The following PBX2 variants were observed in gnomAD, a reference collection of about 807,000 sequenced individuals.
PBX2 encodes the protein PBX homeobox 2, also known as pre-B-cell leukemia transcription factor 2.
A neutral mutation model predicts 46.5 loss-of-function variants in PBX2; 10 were observed. That is an observed-to-expected ratio of 0.21 (90% CI 0.13 to 0.36). The LOEUF (loss-of-function observed/expected upper bound fraction) is 0.36. Ranked by LOEUF, PBX2 falls within the 10% of genes least tolerant of loss-of-function variation. PBX2 has a pLI of 1.00. For missense variants in PBX2, 392 were observed against 580.5 expected, an observed-to-expected ratio of 0.68 and a Z score of 3.34; for synonymous variants, 160 against 222.5, an observed-to-expected ratio of 0.72 and a Z score of 2.50.
At position 32,186,290 on chromosome 6, in the gene PBX2, T is replaced by G; in HGVS notation, c.*92A>C. The stretch of plus-strand genomic sequence containing the variant: ...CCATTGGCCCTTCTCTGTCTTGTGC[T>G]TCTCCTGTATTGGGGTTTGTCCTCT... On this transcript the variant is annotated 3_prime_UTR_variant, in exon 9 of 9. Transcript: ENST00000375050. The surrounding 1 kb of genome is among the most constrained non-coding windows in gnomAD (Gnocchi z 4.2). 2.4e-6 allele frequency: 2 copies of G among 826,432 alleles called. No individual in the cohort carries two copies. Among genetic ancestry groups the G allele is most frequent in the Non-Finnish European group, 4.1e-6 (2 of 492,614 alleles). The allele number at this position is 826,432 out of a possible 1,614,324, so 51.2% of individuals were successfully genotyped here. A position where few individuals can be genotyped will look rare whatever the true frequency, so the allele number is the denominator to read the frequency against.
chr6:32,187,357 C>T lies in PBX2; in HGVS notation c.909G>A (p.Lys303=). 6.2e-7 allele frequency: 1 copy of T among 1,613,064 alleles called. No homozygotes were observed. Among genetic ancestry groups the T allele is most frequent in the Non-Finnish European group, 8.5e-7 (1 of 1,180,032 alleles). Residue 303 remains lysine, a synonymous_variant, in exon 6 of 9, where the codon AAG becomes AAA. Transcript: ENST00000375050. The surrounding 1 kb of genome is among the most constrained non-coding windows in gnomAD (Gnocchi z 7.7). ...CCTCTTGGAACTTTCCGATGTTTTT[C>T]TTATAGCGAATCCTCTTGTTGCCAA... ...NWFGNKRIRY[K]KNIGKFQEEA...
chr6:32,189,314 G>A lies in PBX2; in HGVS notation c.221+381C>T, dbSNP rs186738413. On this transcript the variant is annotated intron_variant, in intron 1 of 8. Coordinates refer to ENST00000375050, the MANE Select transcript of PBX2 (RefSeq NM_002586.5). The surrounding 1 kb of genome is among the most constrained non-coding windows in gnomAD (Gnocchi z 4.7). ...CTTTAGGGGCTCTGGAGAGGGTGTG[G>A]AGGTCTCCACATCTGGAGAGAATGA... Among the ~76,000 whole-genome samples, 285 of 152,142 alleles carry A rather than the reference G, an allele frequency of 1.9e-3. No homozygotes were observed. Among genetic ancestry groups the A allele is most frequent in the African/African-American group, 6.7e-3 (278 of 41,490 alleles).
Position 32,188,006 on chromosome 6 carries a change from C to T in PBX2, c.694G>A (p.Glu232Lys). ...CGGGAGCGCAGGATCATCACAGCCT[C>T]GCAGGTGCTCTGCTTCAGCTGCATC... ...IQMQLKQSTC[E>K]AVMILRSRFL... The change falls in exon 4 of 9, where the codon GAG (glutamate) becomes AAG (lysine). Residue 232 changes from glutamate to lysine, a missense_variant. Transcript: ENST00000375050. This position sits in a 1 kb window ranked among gnomAD's most constrained non-coding sequence, Gnocchi z 6.5. The T allele has an allele frequency of 4.4e-6, 7 of 1,581,884 alleles. No homozygotes were observed. Among genetic ancestry groups the T allele is most frequent in the Middle Eastern group, 1.9e-4 (1 of 5,312 alleles).
At position 32,186,351 on chromosome 6, in the gene PBX2, GCCCCCAC is replaced by G. The variant is rs1787140741; in HGVS notation, c.*24_*30del. 1 of 1,485,900 alleles carries G rather than the reference GCCCCCAC, an allele frequency of 6.7e-7. No homozygotes were observed. The highest frequency in any genetic ancestry group is 1.4e-5 in the African/African-American group (1 of 72,402). The allele number at this position is 1,485,900 out of a possible 1,614,324, so 92.0% of individuals were successfully genotyped here. A position where few individuals can be genotyped will look rare whatever the true frequency, so the allele number is the denominator to read the frequency against. On this transcript the variant is annotated 3_prime_UTR_variant, in exon 9 of 9. Transcript: ENST00000375050. The surrounding 1 kb of genome is among the most constrained non-coding windows in gnomAD (Gnocchi z 4.2). ...GTCCTCTTCAAGTCGCCTTGTGAGA[GCCCCCAC>G]CCCTGTGACCCTGAGGGGCAAGATC... is the stretch of plus-strand genomic sequence containing the variant.
rs1787215315 is a variant in PBX2, at chr6:32,187,927, G to A, written c.734+39C>T. 1.3e-6 allele frequency: 2 copies of A among 1,519,828 alleles called. No individual in the cohort carries two copies. The highest frequency in any genetic ancestry group is 1.8e-6 in the Non-Finnish European group (2 of 1,128,808). 94.1% of individuals were successfully genotyped at this position (1,519,828 alleles called of 1,614,324 possible). On this transcript the variant is annotated intron_variant, in intron 4 of 8. Transcript: ENST00000375050. This position sits in a 1 kb window ranked among gnomAD's most constrained non-coding sequence, Gnocchi z 7.7. ...GGGTCTTGGAGAGGAATGGGAAGGA[G>A]CCCAGTGCTGGGGGCCAGCCTGGGG... is the stretch of plus-strand genomic sequence containing the variant.
In PBX2 at chr6:32,188,692, G is replaced by A. The variant is rs1212672097; in HGVS notation, c.295+31C>T. The A allele has an allele frequency of 1.9e-6, 3 of 1,608,532 alleles. No homozygotes were observed. Among genetic ancestry groups the A allele is most frequent in the Non-Finnish European group, 2.6e-6 (3 of 1,176,138 alleles). The stretch of plus-strand genomic sequence containing the variant: ...TATAATGAACAGGGTTCTGTTCCCA[G>A]AGTTGAGCAATCCGGGGGGGGCCCA... On this transcript the variant is annotated intron_variant, in intron 2 of 8. Coordinates refer to ENST00000375050, the MANE Select transcript of PBX2 (RefSeq NM_002586.5). This position sits in a 1 kb window ranked among gnomAD's most constrained non-coding sequence, Gnocchi z 6.5.
rs186524891 is a variant in PBX2 at position 32,189,621 on chromosome 6, G to C, written c.221+74C>G. ...TGGAGAGGGCCCTGGAGTTGGGGGG[G>C]GCTCCCAGAAGATTCAGAACATGTG... On this transcript the variant is annotated intron_variant, in intron 1 of 8. Coordinates refer to ENST00000375050, the MANE Select transcript of PBX2 (RefSeq NM_002586.5). This position sits in a 1 kb window ranked among gnomAD's most constrained non-coding sequence, Gnocchi z 4.7. 1.8e-6 allele frequency: 2 copies of C among 1,133,698 alleles called. No homozygotes were observed. Among genetic ancestry groups the C allele is most frequent in the Non-Finnish European group, 1.3e-6 (1 of 767,168 alleles). 70.2% of individuals were successfully genotyped at this position (1,133,698 alleles called of 1,614,324 possible). A position where few individuals can be genotyped will look rare whatever the true frequency, so the allele number is the denominator to read the frequency against.
chr6:32,188,808 TG>T lies in PBX2; in HGVS notation c.222-13del. 1 of 1,605,548 alleles carries T rather than the reference TG, an allele frequency of 6.2e-7. No homozygotes were observed. Among genetic ancestry groups the T allele is most frequent in the Non-Finnish European group, 8.5e-7 (1 of 1,177,210 alleles). On this transcript the variant is annotated splice_polypyrimidine_tract_variant and intron_variant, in intron 1 of 8. Coordinates refer to ENST00000375050, the MANE Select transcript of PBX2 (RefSeq NM_002586.5). The surrounding 1 kb of genome is among the most constrained non-coding windows in gnomAD (Gnocchi z 6.5). ...TTAGGGCGTGTTTCCTTGGGAGGAG[TG>T]GGAGTGGGGAAAGAGAAAAGTTGAG...
chr6:32,187,549 C>CAAGTGATCCTCCAAATCAAG lies in PBX2; in HGVS notation c.870+97_870+98insCTTGATTTGGAGGATCACTT. 1 of 1,519,828 alleles carries CAAGTGATCCTCCAAATCAAG rather than the reference C, an allele frequency of 6.6e-7. No individual in the cohort carries two copies. The highest frequency in any genetic ancestry group is 1.2e-5 in the South Asian group (1 of 80,436). 94.1% of individuals were successfully genotyped at this position (1,519,828 alleles called of 1,614,324 possible). On this transcript the variant is annotated intron_variant, in intron 5 of 8. Coordinates refer to ENST00000375050, the MANE Select transcript of PBX2 (RefSeq NM_002586.5). This position sits in a 1 kb window ranked among gnomAD's most constrained non-coding sequence, Gnocchi z 7.7. ...TCCAATTCAAGTGATCCTCCCACTTCAGCCTCCCTAGTAGCTGGGATTACA... is the reference window on the plus strand; with the variant it reads ...TCCAATTCAAGTGATCCTCCCACTTCAAGTGATCCTCCAAATCAAGAGCCTCCCTAGTAGCTGGGATTACA...
At position 32,189,756 on chromosome 6, in the gene PBX2, C is replaced by G. The variant is rs751464677; in HGVS notation, c.160G>C (p.Gly54Arg). The G allele has an allele frequency of 2.7e-5, 44 of 1,607,154 alleles. No homozygotes were observed. The highest frequency in any genetic ancestry group is 3.5e-5 in the Non-Finnish European group (41 of 1,177,200). The part of the protein sequence containing the change: ...VPGGRGKQDI[G>R]DILQQIMTIT... Reference sequence around the variant, plus strand: ...GTCATTATCTGCTGCAGAATGTCCCCGATGTCTTGCTTCCCTCGGCCTCCC... The same window carrying G: ...GTCATTATCTGCTGCAGAATGTCCCGGATGTCTTGCTTCCCTCGGCCTCCC... Residue 54 changes from glycine (G) to arginine (R), a missense_variant, in exon 1 of 9, where the codon GGG (glycine) becomes CGG (arginine). This residue lies in a region of PBX2 where 196 missense variants were observed against 246.9 expected (regional missense o/e 0.79). Transcript: ENST00000375050. The surrounding 1 kb of genome is among the most constrained non-coding windows in gnomAD (Gnocchi z 4.7).
Position 32,186,038 on chromosome 6 carries a change from T to G in PBX2, c.*344A>C. On this transcript the variant is annotated 3_prime_UTR_variant, in exon 9 of 9. Coordinates refer to ENST00000375050, the MANE Select transcript of PBX2 (RefSeq NM_002586.5). The surrounding 1 kb of genome is among the most constrained non-coding windows in gnomAD (Gnocchi z 4.2). ...AACAGAATAGTTGCAAGTGGGAGTA[T>G]GTGTGTGTGAGGTGTGGGAGAGGGA... 3 of 284,726 alleles carry G rather than the reference T, an allele frequency of 1.1e-5. No homozygotes were observed. The highest frequency in any genetic ancestry group is 2.0e-5 in the Non-Finnish European group (3 of 150,226). The allele number at this position is 284,726 out of a possible 1,614,324, so 17.6% of individuals were successfully genotyped here. A position where few individuals can be genotyped will look rare whatever the true frequency, so the allele number is the denominator to read the frequency against.
chr6:32,189,226 C>T lies in PBX2; in HGVS notation c.222-430G>A. 3.5e-6 allele frequency: 1 copy of T among 282,976 alleles called. No individual in the cohort carries two copies. The highest frequency in any genetic ancestry group is 6.7e-6 in the Non-Finnish European group (1 of 148,456). The allele number at this position is 282,976 out of a possible 1,614,324, so 17.5% of individuals were successfully genotyped here. ...ATCAGTGTAGGGTGTGTGAAGGGGT[C>T]CTGGGGCTGAGCAGGTGGGAGGCTT... is the stretch of plus-strand genomic sequence containing the variant. On this transcript the variant is annotated intron_variant, in intron 1 of 8. Coordinates refer to ENST00000375050, the MANE Select transcript of PBX2 (RefSeq NM_002586.5). This position sits in a 1 kb window ranked among gnomAD's most constrained non-coding sequence, Gnocchi z 4.7.
Position 32,190,126 on chromosome 6 carries a change from C to T in PBX2, c.-211G>A. 2.5e-6 allele frequency: 1 copy of T among 404,672 alleles called. No homozygotes were observed. The highest frequency in any genetic ancestry group is 6.8e-5 in the South Asian group (1 of 14,690). 25.1% of individuals were successfully genotyped at this position (404,672 alleles called of 1,614,324 possible). A position where few individuals can be genotyped will look rare whatever the true frequency, so the allele number is the denominator to read the frequency against. On this transcript the variant is annotated 5_prime_UTR_variant, in exon 1 of 9. Transcript: ENST00000375050. The stretch of plus-strand genomic sequence containing the variant: ...CCCCACAGGAGACCCCGGCCCCCGG[C>T]GGCGGAGAAAATGGAGCCGGAGAGA...
chr6:32,188,762 C>T lies in PBX2; in HGVS notation c.256G>A (p.Ala86Thr). Reference sequence around the variant, plus strand: ...ATTTCACACAGGACGCTAAAGAGAGCAGGCTTCATTCGGTGGCAGTTTAGG... The same window carrying T: ...ATTTCACACAGGACGCTAAAGAGAGTAGGCTTCATTCGGTGGCAGTTTAGG... The part of the protein sequence containing the change: ...HALNCHRMKP[A>T]LFSVLCEIKE... The change falls in exon 2 of 9, where the codon GCT becomes ACT. Residue 86 changes from alanine to threonine, a missense_variant. Coordinates refer to ENST00000375050, the MANE Select transcript of PBX2 (RefSeq NM_002586.5). The surrounding 1 kb of genome is among the most constrained non-coding windows in gnomAD (Gnocchi z 6.5). 1 of 1,612,998 alleles carries T rather than the reference C, an allele frequency of 6.2e-7. No individual in the cohort carries two copies. Among genetic ancestry groups the T allele is most frequent in the Non-Finnish European group, 8.5e-7 (1 of 1,180,028 alleles).
Position 32,187,533 on chromosome 6 carries a change from A to G in PBX2, c.870+114T>C. On this transcript the variant is annotated intron_variant, in intron 5 of 8. Transcript: ENST00000375050. This position sits in a 1 kb window ranked among gnomAD's most constrained non-coding sequence, Gnocchi z 7.7. Reference sequence around the variant, plus strand: ...GTTGCCCAGGCTGGTCTCCAATTCAAGTGATCCTCCCACTTCAGCCTCCCT... The same window carrying G: ...GTTGCCCAGGCTGGTCTCCAATTCAGGTGATCCTCCCACTTCAGCCTCCCT... 3.3e-6 allele frequency: 5 copies of G among 1,508,488 alleles called. No homozygotes were observed. Among genetic ancestry groups the G allele is most frequent in the Non-Finnish European group, 2.7e-6 (3 of 1,113,812 alleles). The allele number at this position is 1,508,488 out of a possible 1,614,324, so 93.4% of individuals were successfully genotyped here.
chr6:32,188,213 T>G lies in PBX2; in HGVS notation c.543+44A>C. ...GAGCCCTTTGACCATGGGATTCCCC[T>G]GCAAGAGCCCTTCCCTCCACCCACC... On this transcript the variant is annotated intron_variant, in intron 3 of 8. Transcript: ENST00000375050. The surrounding 1 kb of genome is among the most constrained non-coding windows in gnomAD (Gnocchi z 6.5). The G allele has an allele frequency of 6.2e-7, 1 of 1,605,758 alleles. No homozygotes were observed. Among genetic ancestry groups the G allele is most frequent in the Non-Finnish European group, 8.5e-7 (1 of 1,174,474 alleles).
Position 32,187,631 on chromosome 6 carries a change from G to A in PBX2, c.870+16C>T, listed in dbSNP as rs757178759. The A allele has an allele frequency of 9.5e-6, 15 of 1,581,112 alleles. No homozygotes were observed. The highest frequency in any genetic ancestry group is 2.3e-5 in the East Asian group (1 of 43,732). On this transcript the variant is annotated intron_variant, in intron 5 of 8. Coordinates refer to ENST00000375050, the MANE Select transcript of PBX2 (RefSeq NM_002586.5). This position sits in a 1 kb window ranked among gnomAD's most constrained non-coding sequence, Gnocchi z 7.7. ...TGCACTTTGCCTGACAACTCCTCCCGCAACCTCCATAATACCTGAGACACG... is the reference window on the plus strand; with the variant it reads ...TGCACTTTGCCTGACAACTCCTCCCACAACCTCCATAATACCTGAGACACG...
Position 32,188,313 on chromosome 6 carries a change from T to C in PBX2, c.487A>G (p.Ser163Gly). The stretch of plus-strand genomic sequence containing the variant: ...ATGTGACGGATCTGGGCAAGTTTGC[T>C]GCGATAGTCCGAGTGTTCGATGGAG... ...DNSIEHSDYRSKLAQIRHIYH... is the reference protein window; with the variant it reads ...DNSIEHSDYRGKLAQIRHIYH... The change falls in exon 3 of 9, where the codon AGC becomes GGC. Residue 163 changes from serine (S) to glycine (G), a missense_variant. Physicochemically the swap from Ser to Gly is moderately conservative, Grantham distance 56. Transcript: ENST00000375050. This position sits in a 1 kb window ranked among gnomAD's most constrained non-coding sequence, Gnocchi z 6.5. The C allele has an allele frequency of 6.2e-7, 1 of 1,614,082 alleles. No individual in the cohort carries two copies. The highest frequency in any genetic ancestry group is 8.5e-7 in the Non-Finnish European group (1 of 1,180,030).
In PBX2 at chr6:32,188,249, C is replaced by T; in HGVS notation, c.543+8G>A. The T allele has an allele frequency of 1.2e-6, 2 of 1,613,510 alleles. No individual in the cohort carries two copies. Among genetic ancestry groups the T allele is most frequent in the South Asian group, 1.1e-5 (1 of 91,064 alleles). The stretch of plus-strand genomic sequence containing the variant: ...TTCCCTCCACCCACCCAAGCCTCCT[C>T]TCCTTACCTGCTCATACTTCTCCAG... On this transcript the variant is annotated splice_region_variant and intron_variant, in intron 3 of 8. Coordinates refer to ENST00000375050, the MANE Select transcript of PBX2 (RefSeq NM_002586.5). This position sits in a 1 kb window ranked among gnomAD's most constrained non-coding sequence, Gnocchi z 6.5.
Sources: allele counts gnomAD v4.1 joint callset (sites outside exome capture counted in the v4.1 genomes callset), GRCh38; gene constraint gnomAD v4.1.1; regional missense constraint gnomAD v4.1.1; non-coding constraint Gnocchi (gnomAD v3.1); transcripts MANE v1.5; gene names NCBI Gene and HGNC (gene_info 2026-07-23, HGNC 2026-07-21).